Variants in NTRK3 observed in about 807,000 individuals in gnomAD.
NTRK3 encodes neurotrophic receptor tyrosine kinase 3.
NTRK3 carries 24 observed loss-of-function variants against 91.7 expected under a neutral mutation model. The ratio of observed to expected loss-of-function variants is 0.26; its 90% CI spans 0.19 to 0.37. The LOEUF (loss-of-function observed/expected upper bound fraction) is 0.37. Ranked by LOEUF, NTRK3 falls within the 10% of genes least tolerant of loss-of-function variation. The pLI, the probability that NTRK3 is intolerant of heterozygous loss-of-function variation, is 1.00. For missense variants in NTRK3, 880 were observed against 1,068.9 expected (o/e 0.82, Z 2.46); for synonymous variants, 483 against 404.0 (o/e 1.20, Z -2.34).
intron 14 of NTRK3, among the ~76,000 whole-genome samples, chr15:88,029,641 T>C (rs1387880505): frequency 6.6e-6 from 1 of 152,228 alleles, no homozygotes; most frequent in African/African-American, 2.4e-5. Context: ...CCCTGGGGGA[T>C]TCACAATGTG....
chr15:88,101,636 G>T (rs2150877461), intron 13 of NTRK3, among the ~76,000 whole-genome samples: 1 of 152,290 alleles, frequency 6.6e-6, no homozygotes, highest in East Asian at 1.9e-4. Flanking sequence ...AACAATGATA[G>T]ACTGGATTAA....
At chr15:88,212,906 C>T (rs2349051) in intron 3 of NTRK3, among the ~76,000 whole-genome samples, 122,968 of 152,132 alleles carry the variant, frequency 0.81, 50,799 homozygotes, top group East Asian at 0.98. Flanking sequence ...CCATCCTCAC[C>T]CTATACTGAG....
intron 18 of NTRK3, among the ~76,000 whole-genome samples, chr15:87,879,059 T>C (rs2065099964): frequency 6.6e-6 from 1 of 152,182 alleles, no homozygotes; most frequent in African/African-American, 2.4e-5. Context: ...TGTTAAAATA[T>C]TTTGTTCTAC....
intron 14 of NTRK3, among the ~76,000 whole-genome samples, chr15:87,942,508 G>A (rs117906796): frequency 1.5e-3 from 223 of 152,290 alleles, no homozygotes; most frequent in Non-Finnish European, 2.9e-3. Flanking sequence ...ATCATTCCCA[G>A]GTGACTAGGG....
At chr15:88,178,948 G>A (rs1181890232) in intron 5 of NTRK3, among the ~76,000 whole-genome samples, 1 of 152,194 alleles carries the variant, frequency 6.6e-6, no homozygotes, top group Non-Finnish European at 1.5e-5. Flanking sequence ...ACGCTCCTGG[G>A]ACGTAAAAAA....
At chr15:87,922,170 C>T (rs2067927308) in intron 17 of NTRK3, among the ~76,000 whole-genome samples, 1 of 152,188 alleles carries the variant, frequency 6.6e-6, no homozygotes. Flanking sequence ...ACCAAGTTAT[C>T]TCACAGACCA....
intron 3 of NTRK3, among the ~76,000 whole-genome samples, chr15:88,187,504 G>A (rs1402251659): frequency 6.6e-6 from 1 of 152,126 alleles, no homozygotes; most frequent in African/African-American, 2.4e-5. Context: ...GCAGGCTCTA[G>A]AAAATATTAT....
intron 13 of NTRK3, among the ~76,000 whole-genome samples, chr15:88,109,649 C>A (rs554039877): frequency 2.0e-5 from 3 of 152,188 alleles, no homozygotes; most frequent in African/African-American, 4.8e-5. Flanking sequence ...GGGCGGGGGG[C>A]GTTGGGAAAG....
exon 19 of NTRK3, chr15:87,860,496 A>G (rs773190073): frequency 1.5e-5 from 3 of 203,050 alleles, no homozygotes; most frequent in Non-Finnish European, 2.0e-5. Flanking sequence ...TTTTTTTTAC[A>G]TAAATGACAC....
intron 14 of NTRK3, among the ~76,000 whole-genome samples, chr15:87,988,935 T>C (rs2075067341): frequency 6.6e-6 from 1 of 152,182 alleles, no homozygotes; most frequent in Non-Finnish European, 1.5e-5. Context: ...TTTATTTTTT[T>C]TAGAGAGGGT....
chr15:88,147,228 G>A (rs747871628), intron 6 of NTRK3, 107 bp downstream of exon 6: 18 of 1,026,136 alleles, frequency 1.8e-5, no homozygotes, highest in Admixed American at 1.7e-4. Flanking sequence ...TAGGCTCTTC[G>A]AGTAGATGTA....
At chr15:88,158,638 T>G (rs1289784649) in intron 5 of NTRK3, among the ~76,000 whole-genome samples, 3 of 152,164 alleles carry the variant, frequency 2.0e-5, no homozygotes, top group Non-Finnish European at 4.4e-5. Flanking sequence ...GCGGGGTGGG[T>G]GGGCATTGCT....
At chr15:87,989,493 G>C (rs939206505) in intron 14 of NTRK3, among the ~76,000 whole-genome samples, 2 of 152,082 alleles carry the variant, frequency 1.3e-5, no homozygotes, top group South Asian at 2.1e-4. Flanking sequence ...TCACACACTG[G>C]GGCCTGTTGT....
At chr15:88,043,106 G>A (rs2079814633) in intron 13 of NTRK3, among the ~76,000 whole-genome samples, 1 of 152,162 alleles carries the variant, frequency 6.6e-6, no homozygotes, top group African/African-American at 2.4e-5. Context: ...AGCTGTCAGG[G>A]GCAACCAGAA....
exon 19 of NTRK3, chr15:87,861,282 T>C (rs1262652135): frequency 9.2e-6 from 2 of 217,348 alleles, no homozygotes; most frequent in Non-Finnish European, 1.8e-5. Flanking sequence ...ATTGGCAAAA[T>C]TCCTCTCAGG....
At chr15:88,112,204 C>T (rs1291245355) in intron 13 of NTRK3, among the ~76,000 whole-genome samples, 1 of 152,310 alleles carries the variant, frequency 6.6e-6, no homozygotes, top group African/African-American at 2.4e-5. Flanking sequence ...CCATGCTCAG[C>T]CTCTGGTTTC....
chr15:88,232,640 A>C (rs8040603), intron 3 of NTRK3, among the ~76,000 whole-genome samples: 124,024 of 152,140 alleles, frequency 0.82, 51,522 homozygotes, highest in East Asian at 0.99. Flanking sequence ...ACAAGTTAAT[A>C]CCTCCATGAA....
intron 17 of NTRK3, among the ~76,000 whole-genome samples, chr15:87,887,432 G>A (rs913504171): frequency 1.4e-4 from 22 of 152,172 alleles, no homozygotes; most frequent in Non-Finnish European, 2.2e-4. Context: ...TTCAAAATAA[G>A]AGTGAAGCAA....
chr15:88,106,848 G>A (rs1461980408), intron 13 of NTRK3, among the ~76,000 whole-genome samples: 5 of 151,812 alleles, frequency 3.3e-5, no homozygotes, highest in Admixed American at 6.6e-5. Flanking sequence ...CAGGAGAATC[G>A]CTTGAACCTG....
Sources: allele counts gnomAD v4.1 joint callset (sites outside exome capture counted in the v4.1 genomes callset), GRCh38; gene constraint gnomAD v4.1.1; transcripts MANE v1.5; gene names NCBI Gene and HGNC (gene_info 2026-07-23, HGNC 2026-07-21).